PAIP2: variants seen among roughly 807,000 people sequenced by gnomAD.
PAIP2 encodes the protein poly(A) binding protein interacting protein 2.
In PAIP2, 7 loss-of-function variants were observed where a neutral mutation model predicts 14.8. The ratio of observed to expected loss-of-function variants is 0.47; its 90% CI spans 0.27 to 0.89. PAIP2 has a LOEUF of 0.89. PAIP2 is among the 40% of genes least tolerant of loss of function. PAIP2 has a pLI of 0.13. For missense variants in PAIP2, 122 were observed against 154.7 expected (o/e 0.79, Z 1.12); for synonymous variants, 47 against 45.3 (o/e 1.04, Z -0.15).
intron 1 of PAIP2, among the ~76,000 whole-genome samples, chr5:139,353,079 C>T (rs1038407007): frequency 2.0e-5 from 3 of 151,244 alleles, no homozygotes; most frequent in African/African-American, 7.3e-5. Flanking sequence ...TGCACTCCAG[C>T]CTGGGCAACA....
At chr5:139,363,139 G>A (rs912636217) in intron 1 of PAIP2, among the ~76,000 whole-genome samples, 4 of 152,148 alleles carry the variant, frequency 2.6e-5, no homozygotes, top group African/African-American at 9.6e-5. Flanking sequence ...TACTTGGGAG[G>A]CTGAGGCGGG....
At chr5:139,352,845 G>A (rs1374793178) in intron 1 of PAIP2, among the ~76,000 whole-genome samples, 4 of 151,780 alleles carry the variant, frequency 2.6e-5, no homozygotes, top group South Asian at 4.2e-4. Context: ...GGCTGGGTGC[G>A]TTGGCTCACG....
intron 1 of PAIP2, among the ~76,000 whole-genome samples, chr5:139,353,107 CAA>C (rs78396923): frequency 1.9e-4 from 25 of 129,886 alleles, no homozygotes; most frequent in Non-Finnish European, 2.5e-4. Context: ...AACTCTGTCT[CAA>C]AAAAAAAAAA....
chr5:139,354,930 C>T (rs962609093), intron 1 of PAIP2, among the ~76,000 whole-genome samples: 2 of 151,518 alleles, frequency 1.3e-5, no homozygotes, highest in East Asian at 3.9e-4. Context: ...AGCGATACTC[C>T]TGGCTCAGCC....
intron 1 of PAIP2, among the ~76,000 whole-genome samples, chr5:139,350,516 A>G (rs1756694912): frequency 6.6e-6 from 1 of 151,958 alleles, no homozygotes; most frequent in Non-Finnish European, 1.5e-5. Flanking sequence ...CTGTAGTCCC[A>G]GCTACTCGGG....
At chr5:139,368,356 A>C (rs114317449) in intron 3 of PAIP2, among the ~76,000 whole-genome samples, 21 of 151,404 alleles carry the variant, frequency 1.4e-4, no homozygotes, top group South Asian at 6.3e-4. Flanking sequence ...AAAAAACTAA[A>C]TAAATAAATA....
chr5:139,348,472 G>A (rs922272445), intron 1 of PAIP2, among the ~76,000 whole-genome samples: 3 of 149,914 alleles, frequency 2.0e-5, no homozygotes, highest in South Asian at 2.1e-4. Context: ...TTCCTGCCTC[G>A]GCCTCCTGAG....
Position 139,344,789 on chromosome 5 carries a change from G to T in PAIP2, c.-27+2809G>T, listed in dbSNP as rs973709022. Among the ~76,000 whole-genome samples, 9 of 152,160 alleles carry T rather than the reference G, an allele frequency of 5.9e-5. No homozygotes were observed. The East Asian group carries it at 9.7e-4, about 16-fold the overall frequency. On this transcript the variant is annotated intron_variant, in intron 1 of 3. Transcript: ENST00000265192. ...AGGGTAGACTTTGGGATTTTCTTGT[G>T]ACATTGTTTCACCTCTGTAGATTTA...
At chr5:139,362,405 GTT>G (rs554669690) in intron 1 of PAIP2, among the ~76,000 whole-genome samples, 47 of 73,938 alleles carry the variant, frequency 6.4e-4, no homozygotes, top group African/African-American at 2.2e-3. Context: ...GTTTTTGGGT[GTT>G]TTTTTTTTTT....
At chr5:139,357,597 C>G (rs1474200061) in intron 1 of PAIP2, among the ~76,000 whole-genome samples, 1 of 152,132 alleles carries the variant, frequency 6.6e-6, no homozygotes, top group Non-Finnish European at 1.5e-5. Context: ...CTCTGGGAGG[C>G]TGAAGCGGGC....
rs982703622 is a variant in PAIP2, at chr5:139,360,477, T to A, written c.-26-3282T>A. ...ACATAACTCTGAGTCTGTTTCTGCC[T>A]TTCTTCTTTTGTTTGATTGTATTAT... On this transcript the variant is annotated intron_variant, in intron 1 of 3. Transcript: ENST00000265192. Among the ~76,000 whole-genome samples, 3 of 152,252 alleles carry A rather than the reference T, an allele frequency of 2.0e-5. No homozygotes were observed. The South Asian group carries it at 6.2e-4, about 32-fold the overall frequency.
intron 1 of PAIP2, among the ~76,000 whole-genome samples, chr5:139,358,329 T>C (rs763630785): frequency 1.3e-5 from 2 of 152,238 alleles, no homozygotes; most frequent in Non-Finnish European, 2.9e-5. Flanking sequence ...TGCAATACTA[T>C]TGTTGCATAT....
intron 1 of PAIP2, among the ~76,000 whole-genome samples, chr5:139,344,316 C>G (rs1756472313): frequency 6.6e-6 from 1 of 152,186 alleles, no homozygotes; most frequent in Non-Finnish European, 1.5e-5. Context: ...TGTAGCATAG[C>G]TGGGATTTGA....
Position 139,363,889 on chromosome 5 carries a change from G to T in PAIP2, c.105G>T (p.Met35Ile). The change falls in exon 2 of 4, where the codon ATG (methionine) becomes ATT (isoleucine). Residue 35 changes from methionine (M) to isoleucine (I), a missense_variant. Coordinates refer to ENST00000265192, the MANE Select transcript of PAIP2 (RefSeq NM_016480.5). Reference protein sequence around the residue: ...HEDDNPFAEYMWMENEEEFNR... With the variant: ...HEDDNPFAEYIWMENEEEFNR... ...ATGACAATCCATTTGCAGAGTACATGTGGATGGAAAATGAAGAAGAATTCA... is the reference window on the plus strand; with the variant it reads ...ATGACAATCCATTTGCAGAGTACATTTGGATGGAAAATGAAGAAGAATTCA... The T allele has an allele frequency of 6.2e-7, 1 of 1,613,628 alleles. No homozygotes were observed. The highest frequency in any genetic ancestry group is 8.5e-7 in the Non-Finnish European group (1 of 1,179,648).
chr5:139,368,279 G>T (rs1261765161), intron 3 of PAIP2, among the ~76,000 whole-genome samples: 1 of 152,112 alleles, frequency 6.6e-6, no homozygotes, highest in East Asian at 1.9e-4. Context: ...GGCGGAGCTT[G>T]CAGTGAGCTG....
At chr5:139,342,744 G>C (rs1183131105) in intron 1 of PAIP2, 1 of 152,166 alleles carries the variant, frequency 6.6e-6, no homozygotes, top group Non-Finnish European at 1.5e-5. Context: ...AATAAGGCTT[G>C]TGGTGAACTT....
chr5:139,355,969 T>C (rs1471920240), intron 1 of PAIP2, among the ~76,000 whole-genome samples: 3 of 151,162 alleles, frequency 2.0e-5, no homozygotes, highest in African/African-American at 7.3e-5. Context: ...AAACCCTGTC[T>C]CTACTAAAAG....
In PAIP2 at chr5:139,364,575, G is replaced by A; in HGVS notation, c.150G>A (p.Glu50=). The stretch of plus-strand genomic sequence containing the variant: ...TATTATAAATCTAGATAGAAGAGGA[G>A]TTATGGGAAGAAGAATTTATTGAAC... ...EEEFNRQIEE[E]LWEEEFIERC... is the part of the protein sequence containing the mutation. The change falls in exon 3 of 4, where the codon GAG becomes GAA. Residue 50 remains glutamate, a synonymous_variant. Transcript: ENST00000265192. 6.3e-7 allele frequency: 1 copy of A among 1,587,934 alleles called. No individual in the cohort carries two copies. The highest frequency in any genetic ancestry group is 8.6e-7 in the Non-Finnish European group (1 of 1,156,968).
chr5:139,346,825 T>G (rs1454973058), intron 1 of PAIP2, among the ~76,000 whole-genome samples: 1 of 151,430 alleles, frequency 6.6e-6, no homozygotes. Flanking sequence ...CAGCTTATTT[T>G]TATTTTTTGA....
Sources: gnomAD v4.1 joint callset for allele counts (sites outside exome capture counted in the v4.1 genomes callset) on GRCh38, gnomAD v4.1.1 for gene constraint, MANE v1.5 for transcripts, NCBI Gene and HGNC (gene_info 2026-07-23, HGNC 2026-07-21) for gene names.